Variants in CACNA1I observed in about 807,000 individuals in gnomAD.
CACNA1I encodes the protein voltage-dependent T-type calcium channel subunit alpha-1I.
A neutral mutation model predicts 201.6 loss-of-function variants in CACNA1I; 74 were observed. The ratio of observed to expected loss-of-function variants is 0.37; its 90% confidence interval spans 0.30 to 0.45. The LOEUF (loss-of-function observed/expected upper bound fraction) is 0.45, where lower values mean the gene tolerates loss of function less well. Ranked by LOEUF, CACNA1I falls within the 20% of genes least tolerant of loss-of-function variation. CACNA1I has a pLI of 1.00. For synonymous variants in CACNA1I, 1,431 were observed against 1,345.2 expected, an observed-to-expected ratio of 1.06 and a Z score of -1.40; for missense variants, 2,346 against 3,138.1, an observed-to-expected ratio of 0.75 and a Z score of 6.03.
chr22:39,623,874 G>GGT (rs1044776453), intron 4 of CACNA1I, among the ~76,000 whole-genome samples: 11 of 145,696 alleles, frequency 7.5e-5, no homozygotes, highest in African/African-American at 2.3e-4. Context: ...TGCCTGTGAG[G>GGT]GTGTGTGTGT....
At position 39,642,868 on chromosome 22, in the gene CACNA1I, C is replaced by A. The variant is rs1384453481; in HGVS notation, c.1128C>A (p.Ile376=). The A allele has an allele frequency of 6.2e-7, 1 of 1,606,216 alleles. No homozygotes were observed. Among genetic ancestry groups the A allele is most frequent in the Non-Finnish European group, 8.5e-7 (1 of 1,174,974 alleles). ...VMDAHSFYNF[I]YFILLIIVGS... is the part of the protein sequence containing the mutation. ...ATGCTCACTCCTTCTACAACTTCAT[C>A]TACTTCATCCTGCTTATCATAGTAA... The change falls in exon 7 of 37, where the codon ATC becomes ATA. Residue 376 remains isoleucine (I), a synonymous_variant. Coordinates refer to ENST00000402142, the MANE Select transcript of CACNA1I (RefSeq NM_021096.4).
intron 4 of CACNA1I, among the ~76,000 whole-genome samples, chr22:39,633,343 A>T (rs1003901600): frequency 1.3e-5 from 2 of 152,168 alleles, no homozygotes; most frequent in African/African-American, 4.8e-5. Flanking sequence ...ACAACTATAC[A>T]TTAGGGCTAG....
At chr22:39,658,862 C>A in intron 11 of CACNA1I, 69 bp from the exon 12 acceptor site, 2 of 1,336,090 alleles carry the variant, frequency 1.5e-6, no homozygotes, top group African/African-American at 1.5e-5. Context: ...CTCCCTCTGT[C>A]TTCCTCTCCC....
chr22:39,650,181 C>T (rs535883431), intron 10 of CACNA1I, among the ~76,000 whole-genome samples: 15 of 152,138 alleles, frequency 9.9e-5, no homozygotes, highest in Admixed American at 2.6e-4. Context: ...TGGGCCTCTC[C>T]GGGGCTCTTT....
chr22:39,617,036 C>T (rs897085797), intron 3 of CACNA1I, among the ~76,000 whole-genome samples: 17 of 152,006 alleles, frequency 1.1e-4, no homozygotes, highest in South Asian at 2.1e-4. Flanking sequence ...TGCTCTGGTC[C>T]GGGGTGGAAT....
chr22:39,634,535 T>C, intron 4 of CACNA1I, 30 bp from the exon 5 acceptor site: 1 of 1,613,022 alleles, frequency 6.2e-7, no homozygotes, highest in Non-Finnish European at 8.5e-7. Context: ...GCTCCCTGTC[T>C]GACCATCCCT....
intron 5 of CACNA1I, among the ~76,000 whole-genome samples, chr22:39,635,573 C>T (rs368346007): frequency 1.2e-4 from 18 of 152,282 alleles, no homozygotes; most frequent in African/African-American, 3.6e-4. Context: ...ATCCACCCAT[C>T]GCTGTGGGGG....
At position 39,598,236 on chromosome 22, in the gene CACNA1I, C is replaced by T. The variant is rs765206266; in HGVS notation, c.322C>T (p.Leu108=). ...CCAGCCGTGCGACGACATGGACTGC[C>T]TGTCCGACCGCTGCAAGATCCTGCA... is the stretch of plus-strand genomic sequence containing the variant. ...MYQPCDDMDC[L]SDRCKILQVF... is the part of the protein sequence containing the mutation. Residue 108 remains leucine (L), a synonymous_variant, in exon 2 of 37, where the codon CTG becomes TTG. Coordinates refer to ENST00000402142, the MANE Select transcript of CACNA1I (RefSeq NM_021096.4). 2 of 1,603,010 alleles carry T rather than the reference C, an allele frequency of 1.2e-6. No individual in the cohort carries two copies. The highest frequency in any genetic ancestry group is 1.7e-6 in the Non-Finnish European group (2 of 1,175,460).
intron 4 of CACNA1I, among the ~76,000 whole-genome samples, chr22:39,625,803 G>A (rs1197329126): frequency 6.6e-6 from 1 of 151,920 alleles, no homozygotes; most frequent in Non-Finnish European, 1.5e-5. Flanking sequence ...GCCTTGGCAA[G>A]ATGGGGCTGA....
chr22:39,661,173 G>A lies in CACNA1I; in HGVS notation c.2764G>A (p.Gly922Arg), dbSNP rs771654024. The change falls in exon 16 of 37, where the codon GGG (glycine) becomes AGG (arginine). Residue 922 changes from glycine (G) to arginine (R), a missense_variant. Physicochemically the swap from Gly to Arg is moderately radical, Grantham distance 125. This residue lies in a region of CACNA1I where 92 missense variants were observed against 114.5 expected (regional missense o/e 0.80). Coordinates refer to ENST00000402142, the MANE Select transcript of CACNA1I (RefSeq NM_021096.4). ...GHLDPSLPLG[G>R]HLGPAGAAGP... is the part of the protein sequence containing the mutation. The stretch of plus-strand genomic sequence containing the variant: ...CCTGGACCCCAGTCTCCCACTGGGT[G>A]GGCACCTAGGTCCTGCTGGGGCTGC... 6.2e-6 allele frequency: 10 copies of A among 1,612,912 alleles called. No homozygotes were observed. Among genetic ancestry groups the A allele is most frequent in the Non-Finnish European group, 8.5e-7 (1 of 1,179,676 alleles).
chr22:39,597,400 T>C (rs868500040), intron 1 of CACNA1I, among the ~76,000 whole-genome samples: 1 of 151,698 alleles, frequency 6.6e-6, no homozygotes, highest in South Asian at 2.1e-4. Flanking sequence ...CTCTCAGCAG[T>C]GGTGAGGAGA....
rs1163717007 is a variant in CACNA1I at position 39,649,095 on chromosome 22, C to T, written c.1568-406C>T. Among the ~76,000 whole-genome samples the T allele has an allele frequency of 1.3e-5, 2 of 152,206 alleles. No homozygotes were observed. The highest frequency in any genetic ancestry group is 1.3e-4 in the Admixed American group (2 of 15,292). ...CCATGGCCTTCTCTGACGGGGGCTG[C>T]CCCCACATTGGCCTGACTCTTTCAG... On this transcript the variant is annotated intron_variant, in intron 9 of 36. Coordinates refer to ENST00000402142, the MANE Select transcript of CACNA1I (RefSeq NM_021096.4). This position sits in a 1 kb window ranked among gnomAD's most constrained non-coding sequence, Gnocchi z 7.3.
rs996210811 is a variant in CACNA1I at position 39,648,022 on chromosome 22, C to T, written c.1567+96C>T. 89 of 1,106,446 alleles carry T rather than the reference C, an allele frequency of 8.0e-5. No homozygotes were observed. Among genetic ancestry groups the T allele is most frequent in the Non-Finnish European group, 1.0e-4 (78 of 747,554 alleles). 68.5% of individuals were successfully genotyped at this position (1,106,446 alleles called of 1,614,324 possible). On this transcript the variant is annotated intron_variant, in intron 9 of 36. Coordinates refer to ENST00000402142, the MANE Select transcript of CACNA1I (RefSeq NM_021096.4). The surrounding 1 kb of genome is among the most constrained non-coding windows in gnomAD (Gnocchi z 5.4). The stretch of plus-strand genomic sequence containing the variant: ...AGGAAGTCGGCAGGCATGGGGACGG[C>T]GCTTGAGCAGCCGCGACCCTCTGCA...
chr22:39,594,368 G>A (rs943465081), intron 1 of CACNA1I, among the ~76,000 whole-genome samples: 1 of 152,284 alleles, frequency 6.6e-6, no homozygotes, highest in Admixed American at 6.5e-5. Flanking sequence ...GACAGGAAGA[G>A]GGGAAAGGCG....
intron 10 of CACNA1I, among the ~76,000 whole-genome samples, chr22:39,650,515 TG>T (rs1201994405): frequency 6.6e-6 from 1 of 152,074 alleles, no homozygotes. Flanking sequence ...GGGCCAGTCT[TG>T]TTGGGCTCTT....
chr22:39,646,809 C>T lies in CACNA1I; in HGVS notation c.1390C>T (p.Arg464Cys), dbSNP rs58772485. The part of the protein sequence containing the change: ...LGLYQALQSR[R>C]QALGPEAPAP... ...CCTCTACCAGGCCCTGCAGAGCCGG[C>T]GCCAGGCCCTGGGCCCGGAGGCCCC... The change falls in exon 8 of 37, where the codon CGC (arginine) becomes TGC (cysteine). Residue 464 changes from arginine to cysteine, a missense_variant. Arg to Cys is a radical substitution (Grantham distance 180, BLOSUM62 -3). Around this residue, in one of 13 missense-constraint regions of CACNA1I, gnomAD observed 312 missense variants for 331.5 expected, o/e 0.94. Coordinates refer to ENST00000402142, the MANE Select transcript of CACNA1I (RefSeq NM_021096.4). 89 of 1,552,270 alleles carry T rather than the reference C, an allele frequency of 5.7e-5. No homozygotes were observed. Among genetic ancestry groups the T allele is most frequent in the East Asian group, 2.9e-4 (12 of 41,144 alleles).
chr22:39,674,121 C>A, intron 29 of CACNA1I, 88 bp downstream of exon 29: 2 of 1,267,094 alleles, frequency 1.6e-6, no homozygotes, highest in Non-Finnish European at 2.3e-6. Flanking sequence ...TTCCCTTCTC[C>A]TCACATCTGC....
intron 3 of CACNA1I, among the ~76,000 whole-genome samples, chr22:39,616,350 C>G (rs1601462739): frequency 6.6e-6 from 1 of 152,194 alleles, no homozygotes; most frequent in East Asian, 1.9e-4. Flanking sequence ...CCTAAAGTTA[C>G]TAACTGGGTC....
In CACNA1I at chr22:39,634,711, G is replaced by C. The variant is rs1934159699; in HGVS notation, c.727G>C (p.Glu243Gln). Residue 243 changes from glutamate (E) to glutamine (Q), a missense_variant, in exon 5 of 37, where the codon GAG becomes CAG. Physicochemically the swap from Glu to Gln is conservative, Grantham distance 29 (BLOSUM62 2). This residue lies in a region of CACNA1I where 227 missense variants were observed against 412.5 expected (regional missense o/e 0.55). Coordinates refer to ENST00000402142, the MANE Select transcript of CACNA1I (RefSeq NM_021096.4). ...GCTGCGTAACCGCTGCTTCCTGGAG[G>C]AGAACTTCACCATGTGAGTTCATCC... ...GLLRNRCFLEENFTIQGDVAL... is the reference protein window; with the variant it reads ...GLLRNRCFLEQNFTIQGDVAL... 1 of 1,613,568 alleles carries C rather than the reference G, an allele frequency of 6.2e-7. No homozygotes were observed. Among genetic ancestry groups the C allele is most frequent in the South Asian group, 1.1e-5 (1 of 91,062 alleles).
Sources: allele counts gnomAD v4.1 joint callset (sites outside exome capture counted in the v4.1 genomes callset), GRCh38; gene constraint gnomAD v4.1.1; regional missense constraint gnomAD v4.1.1; non-coding constraint Gnocchi (gnomAD v3.1); transcripts MANE v1.5; gene names NCBI Gene and HGNC (gene_info 2026-07-23, HGNC 2026-07-21).